Variants in NEGR1 observed in about 807,000 individuals in gnomAD.
NEGR1 encodes the protein IgLON family member 4.
Under a neutral mutation model 40.9 loss-of-function variants are expected in NEGR1, and 10 were observed. That is an observed-to-expected ratio of 0.24 (90% confidence interval 0.15 to 0.42). NEGR1 has a LOEUF of 0.42. Ranked by LOEUF, NEGR1 falls within the 10% of genes least tolerant of loss-of-function variation. NEGR1 has a pLI of 1.00. For missense variants in NEGR1, 352 were observed against 438.9 expected (o/e 0.80, Z 1.77); for synonymous variants, 185 against 166.8 (o/e 1.11, Z -0.84).
At chr1:71,792,861 T>C (rs891371256) in intron 2 of NEGR1, among the ~76,000 whole-genome samples, 1 of 152,104 alleles carries the variant, frequency 6.6e-6, no homozygotes, top group African/African-American at 2.4e-5. Flanking sequence ...TTTTCTTTTG[T>C]AGTAGAGAAA....
rs1412973224 is a variant in NEGR1 at position 71,605,426 on chromosome 1, C to G, written c.788+5600G>C. Reference sequence around the variant, plus strand: ...GAATTCAACGGTGCAGGCAAAATAACAAAAATCTCATCTAAGACAAGACGG... The same window carrying G: ...GAATTCAACGGTGCAGGCAAAATAAGAAAAATCTCATCTAAGACAAGACGG... On this transcript the variant is annotated intron_variant, in intron 5 of 6. Transcript: ENST00000357731. Among the ~76,000 whole-genome samples, 5 of 152,052 alleles carry G rather than the reference C, an allele frequency of 3.3e-5. No individual in the cohort carries two copies. The East Asian group carries it at 7.7e-4, about 24-fold the overall frequency.
intron 2 of NEGR1, among the ~76,000 whole-genome samples, chr1:71,842,672 T>C (rs924493751): frequency 1.3e-5 from 2 of 152,194 alleles, no homozygotes; most frequent in African/African-American, 4.8e-5. Context: ...GAAAACATTA[T>C]TCTAGTTCTA....
intron 3 of NEGR1, among the ~76,000 whole-genome samples, chr1:71,729,993 A>T (rs898027826): frequency 6.6e-6 from 1 of 152,094 alleles, no homozygotes; most frequent in Admixed American, 6.6e-5. Flanking sequence ...GATAAAAATT[A>T]ATCAAAGTAA....
At chr1:71,896,833 C>T (rs528114755) in intron 2 of NEGR1, among the ~76,000 whole-genome samples, 1 of 152,252 alleles carries the variant, frequency 6.6e-6, no homozygotes, top group South Asian at 2.1e-4. Context: ...AGTCTTGCCA[C>T]TCTTGTCAAA....
intron 2 of NEGR1, among the ~76,000 whole-genome samples, chr1:71,868,459 ATAGATAGACAGAATAC>A (rs1314390560): frequency 7.2e-6 from 1 of 139,818 alleles, no homozygotes; most frequent in African/African-American, 2.8e-5. Flanking sequence ...AGATAGATAG[ATAGATAGACAGAATAC>A]ATACATACAT....
chr1:72,033,400 G>T (rs1646876047), intron 1 of NEGR1, among the ~76,000 whole-genome samples: 1 of 152,018 alleles, frequency 6.6e-6, no homozygotes, highest in Non-Finnish European at 1.5e-5. Context: ...CTATTACCCT[G>T]CAATAATGGA....
chr1:71,765,037 G>A (rs1397966027), intron 3 of NEGR1, among the ~76,000 whole-genome samples: 1 of 151,954 alleles, frequency 6.6e-6, no homozygotes, highest in East Asian at 1.9e-4. Context: ...CCAAAAAAAG[G>A]GCATGGTCAC....
At chr1:71,641,851 T>C (rs1651364013) in intron 4 of NEGR1, among the ~76,000 whole-genome samples, 1 of 152,012 alleles carries the variant, frequency 6.6e-6, no homozygotes, top group Non-Finnish European at 1.5e-5. Context: ...TCTAGGGTTA[T>C]TTGAAGAGTG....
At chr1:71,579,476 T>C (rs1404179368) in intron 6 of NEGR1, among the ~76,000 whole-genome samples, 1 of 152,212 alleles carries the variant, frequency 6.6e-6, no homozygotes, top group African/African-American at 2.4e-5. Flanking sequence ...TGGTTAATCT[T>C]ATGTCCCAAG....
chr1:72,050,225 G>C (rs1557501502), intron 1 of NEGR1, among the ~76,000 whole-genome samples: 1 of 151,528 alleles, frequency 6.6e-6, no homozygotes, highest in Admixed American at 6.6e-5. Context: ...TTGGGAAAGT[G>C]AATTAAAATC....
At chr1:71,579,398 G>A (rs1649058404) in intron 6 of NEGR1, among the ~76,000 whole-genome samples, 1 of 152,230 alleles carries the variant, frequency 6.6e-6, no homozygotes, top group Admixed American at 6.5e-5. Flanking sequence ...AACACAGCAT[G>A]AGACTAGGCA....
chr1:72,153,069 T>C (rs1386335442), intron 1 of NEGR1, among the ~76,000 whole-genome samples: 1 of 151,814 alleles, frequency 6.6e-6, no homozygotes, highest in Non-Finnish European at 1.5e-5. Context: ...AACCTCAGCA[T>C]CATGCATTGT....
intron 2 of NEGR1, among the ~76,000 whole-genome samples, chr1:71,833,859 C>T (rs921005165): frequency 4.6e-5 from 7 of 152,094 alleles, no homozygotes; most frequent in African/African-American, 1.7e-4. Flanking sequence ...ATAAGCATAG[C>T]ATTTAAACTA....
intron 6 of NEGR1, among the ~76,000 whole-genome samples, chr1:71,532,382 T>A (rs781716476): frequency 6.6e-6 from 1 of 151,602 alleles, no homozygotes; most frequent in Non-Finnish European, 1.5e-5. Flanking sequence ...CTTGATAGTT[T>A]CAAGAGACCA....
At position 71,944,871 on chromosome 1, in the gene NEGR1, T is replaced by C. The variant is rs139673920; in HGVS notation, c.177-9560A>G. ...CTAGCCTTGCAATCAGTTACTATAG[T>C]AGCCATTAACCCATATTTGTCTGTC... On this transcript the variant is annotated intron_variant, in intron 1 of 6. Coordinates refer to ENST00000357731, the MANE Select transcript of NEGR1 (RefSeq NM_173808.3). Among the ~76,000 whole-genome samples the C allele has an allele frequency of 4.9e-3, 751 of 152,278 alleles. 5 individuals carry two copies. Among genetic ancestry groups the C allele is most frequent in the Middle Eastern group, 0.034 (10 of 294 alleles).
intron 1 of NEGR1, among the ~76,000 whole-genome samples, chr1:72,240,904 T>A (rs1654711443): frequency 6.6e-6 from 1 of 151,770 alleles, no homozygotes; most frequent in Non-Finnish European, 1.5e-5. Flanking sequence ...CTCCTTCTGA[T>A]TTCTTATTGT....
chr1:71,697,788 T>C (rs1335838065), intron 4 of NEGR1: 1 of 509,884 alleles, frequency 2.0e-6, no homozygotes, highest in East Asian at 3.4e-5. Flanking sequence ...CACATTTCAC[T>C]CCATACATCA....
intron 1 of NEGR1, among the ~76,000 whole-genome samples, chr1:72,270,649 T>C (rs556009087): frequency 6.6e-6 from 1 of 152,030 alleles, no homozygotes; most frequent in South Asian, 2.1e-4. Flanking sequence ...TCTTTCACTG[T>C]CATTACATAT....
At chr1:72,218,097 T>C (rs1006346573) in intron 1 of NEGR1, among the ~76,000 whole-genome samples, 1 of 151,628 alleles carries the variant, frequency 6.6e-6, no homozygotes, top group African/African-American at 2.4e-5. Context: ...ATGTTTCCTT[T>C]AAAATTTTTC....
Sources: allele counts gnomAD v4.1 joint callset (sites outside exome capture counted in the v4.1 genomes callset), GRCh38; gene constraint gnomAD v4.1.1; transcripts MANE v1.5; gene names NCBI Gene and HGNC (gene_info 2026-07-23, HGNC 2026-07-21).